ZBTB18: variants seen among roughly 807,000 people sequenced by gnomAD.
ZBTB18 encodes zinc finger and BTB domain-containing protein 18.
Under a neutral mutation model 37.7 loss-of-function variants are expected in ZBTB18, and 2 were observed. The ratio of observed to expected loss-of-function variants is 0.05; its 90% CI spans 0.02 to 0.17. The LOEUF (loss-of-function observed/expected upper bound fraction) is 0.17. Ranked by LOEUF, ZBTB18 falls within the 10% of genes least tolerant of loss-of-function variation. The probability of loss-of-function intolerance (pLI) is 1.00; values close to 1 mark genes in which losing one functional copy is unlikely to be tolerated. For missense variants in ZBTB18, 408 were observed against 686.3 expected, an observed-to-expected ratio of 0.59 and a Z score of 4.53; for synonymous variants, 304 against 276.5, an observed-to-expected ratio of 1.10 and a Z score of -0.99.
upstream of ZBTB18, chr1:244,048,943 AGGCGGAGGACGCGGCGGC>A (rs1442476796): frequency 6.4e-6 from 1 of 156,620 alleles, no homozygotes; most frequent in Non-Finnish European, 1.3e-5. Context: ...GAGGAGGAGG[AGGCGGAGGACGCGGCGGC>A]GGCGGGGACG....
rs1016861231 is a variant in ZBTB18 at position 244,055,440 on chromosome 1, C to T, written c.*70C>T. ...AATAGATCTCTATATAGTTGTGGTA[C>T]GGTCTAAAAGCAGTCTTGTTTCCTG... is the stretch of plus-strand genomic sequence containing the variant. On this transcript the variant is annotated 3_prime_UTR_variant, in exon 2 of 2. Coordinates refer to ENST00000358704, the MANE Select transcript of ZBTB18 (RefSeq NM_205768.3). The surrounding 1 kb of genome is among the most constrained non-coding windows in gnomAD (Gnocchi z 7.0). 9.8e-5 allele frequency: 55 copies of T among 563,356 alleles called. No individual in the cohort carries two copies. Among genetic ancestry groups the T allele is most frequent in the East Asian group, 2.3e-4 (4 of 17,274 alleles). 34.9% of individuals were successfully genotyped at this position (563,356 alleles called of 1,614,324 possible).
intron 1 of ZBTB18, among the ~76,000 whole-genome samples, chr1:244,051,771 T>G (rs1430951676): frequency 3.3e-5 from 5 of 152,152 alleles, no homozygotes; most frequent in African/African-American, 4.8e-5. Flanking sequence ...ATTGGGGTGG[T>G]GGTGGTGGGG....
Position 244,056,108 on chromosome 1 carries a change from C to G in ZBTB18, c.*738C>G, listed in dbSNP as rs1698463003. ...CATGGGCTGGGGGGGTGTCAAAGAA[C>G]TTGACAGGTTGTGTTGATGCTCTTA... On this transcript the variant is annotated 3_prime_UTR_variant, in exon 2 of 2. Transcript: ENST00000358704. The G allele has an allele frequency of 6.0e-6, 1 of 167,026 alleles. No individual in the cohort carries two copies. Among genetic ancestry groups the G allele is most frequent in the South Asian group, 2.1e-4 (1 of 4,836 alleles). 10.3% of individuals were successfully genotyped at this position (167,026 alleles called of 1,614,324 possible).
rs1698394063 is a variant in ZBTB18 at position 244,053,570 on chromosome 1, C to CA, written c.14-218_14-217insA. On this transcript the variant is annotated intron_variant, in intron 1 of 1. Coordinates refer to ENST00000358704, the MANE Select transcript of ZBTB18 (RefSeq NM_205768.3). The surrounding 1 kb of genome is among the most constrained non-coding windows in gnomAD (Gnocchi z 5.2). ...AAGGAAGATGGAGATGCGTCGGAAG[C>CA]TCTTTGGCGGGGGTGAGGAAGTTCA... 1 of 236,376 alleles carries CA rather than the reference C, an allele frequency of 4.2e-6. No individual in the cohort carries two copies. Among genetic ancestry groups the CA allele is most frequent in the African/African-American group, 2.3e-5 (1 of 42,900 alleles). 14.6% of individuals were successfully genotyped at this position (236,376 alleles called of 1,614,324 possible). A position where few individuals can be genotyped will look rare whatever the true frequency, so the allele number is the denominator to read the frequency against.
intron 1 of ZBTB18, among the ~76,000 whole-genome samples, chr1:244,052,971 C>T (rs975592974): frequency 6.6e-6 from 1 of 152,128 alleles, no homozygotes; most frequent in Admixed American, 6.5e-5. Flanking sequence ...TCAGTAAAGC[C>T]CCTCTGGTTC....
rs1471318636 is a variant in ZBTB18, at chr1:244,055,407, T to C, written c.*37T>C. The stretch of plus-strand genomic sequence containing the variant: ...TATAAATAATATATATATATATACA[T>C]ATATATAAATAGATCTCTATATAGT... On this transcript the variant is annotated 3_prime_UTR_variant, in exon 2 of 2. Transcript: ENST00000358704. The surrounding 1 kb of genome is among the most constrained non-coding windows in gnomAD (Gnocchi z 7.0). The C allele has an allele frequency of 1.3e-5, 8 of 629,508 alleles. No homozygotes were observed. Among genetic ancestry groups the C allele is most frequent in the Admixed American group, 4.7e-5 (1 of 21,128 alleles). The allele number at this position is 629,508 out of a possible 1,614,324, so 39.0% of individuals were successfully genotyped here.
At chr1:244,049,211 G>A (rs1298841755), upstream of ZBTB18, among the ~76,000 whole-genome samples, 1 of 144,200 alleles carries the variant, frequency 6.9e-6, no homozygotes, top group African/African-American at 2.5e-5. Flanking sequence ...GCCCGGGCGC[G>A]GGGACGGGGC....
rs971083222 is a variant in ZBTB18, at chr1:244,055,154, C to T, written c.1380C>T (p.His460=). ...TQCGKSFQYS[H]NLSRHAVVHT... ...GCGGCAAGAGCTTCCAGTACTCGCA[C>T]AACCTGAGCCGCCATGCCGTGGTGC... The change falls in exon 2 of 2, where the codon CAC becomes CAT. Residue 460 remains histidine, a synonymous_variant. Transcript: ENST00000358704. The surrounding 1 kb of genome is among the most constrained non-coding windows in gnomAD (Gnocchi z 7.0). 4 of 1,614,004 alleles carry T rather than the reference C, an allele frequency of 2.5e-6. No homozygotes were observed. In the Admixed American group the frequency reaches 6.7e-5, roughly 27 times the overall value.
At chr1:244,052,163 CTT>C (rs1698368517) in intron 1 of ZBTB18, among the ~76,000 whole-genome samples, 1 of 152,206 alleles carries the variant, frequency 6.6e-6, no homozygotes, top group Non-Finnish European at 1.5e-5. Flanking sequence ...TTCTTAATCT[CTT>C]TATCTGGGCA....
Position 244,054,427 on chromosome 1 carries a change from G to A in ZBTB18, c.653G>A (p.Gly218Glu). 6.2e-7 allele frequency: 1 copy of A among 1,614,188 alleles called. No homozygotes were observed. The change falls in exon 2 of 2, where the codon GGA (glycine) becomes GAA (glutamate). Residue 218 changes from glycine to glutamate, a missense_variant. Around this residue, in one of 4 missense-constraint regions of ZBTB18, gnomAD observed 266 missense variants for 312.0 expected, o/e 0.85. Coordinates refer to ENST00000358704, the MANE Select transcript of ZBTB18 (RefSeq NM_205768.3). This position sits in a 1 kb window ranked among gnomAD's most constrained non-coding sequence, Gnocchi z 9.0. ...GEAEPHATAA[G>E]KTVASPCSST... ...GCAGAGCCACACGCCACAGCAGCTG[G>A]AAAAACAGTAGCCAGCCCCTGCAGC...
At position 244,057,157 on chromosome 1, in the gene ZBTB18, G is replaced by C. The variant is rs1698490656; in HGVS notation, c.*1787G>C. 6.0e-6 allele frequency: 1 copy of C among 167,118 alleles called. No individual in the cohort carries two copies. The highest frequency in any genetic ancestry group is 1.5e-5 in the Non-Finnish European group (1 of 68,102). The allele number at this position is 167,118 out of a possible 1,614,324, so 10.4% of individuals were successfully genotyped here. A position where few individuals can be genotyped will look rare whatever the true frequency, so the allele number is the denominator to read the frequency against. Reference sequence around the variant, plus strand: ...GGAGCATTATCTTTAGTTACTTGAAGAGTTTCTAGTTTTTTTAAAATACAG... The same window carrying C: ...GGAGCATTATCTTTAGTTACTTGAACAGTTTCTAGTTTTTTTAAAATACAG... On this transcript the variant is annotated 3_prime_UTR_variant, in exon 2 of 2. Coordinates refer to ENST00000358704, the MANE Select transcript of ZBTB18 (RefSeq NM_205768.3).
At chr1:244,052,828 A>C (rs1002661969) in intron 1 of ZBTB18, among the ~76,000 whole-genome samples, 5 of 152,220 alleles carry the variant, frequency 3.3e-5, no homozygotes, top group East Asian at 1.9e-4. Flanking sequence ...TTAAAAAAAA[A>C]CGTTGAACCT....
At chr1:244,049,275 C>A (rs1012209680), upstream of ZBTB18, among the ~76,000 whole-genome samples, 6 of 145,108 alleles carry the variant, frequency 4.1e-5, no homozygotes, top group South Asian at 4.2e-4. Flanking sequence ...GCGCCGCGCC[C>A]CCGCGGGCCG....
chr1:244,049,199 A>G (rs1429121861), upstream of ZBTB18, among the ~76,000 whole-genome samples: 14 of 99,332 alleles, frequency 1.4e-4, no homozygotes, highest in African/African-American at 5.3e-4. Context: ...CAGCTGCGGG[A>G]GGCCCGGGCG....
upstream of ZBTB18, among the ~76,000 whole-genome samples, chr1:244,049,441 G>T (rs1698304007): frequency 6.7e-6 from 1 of 149,350 alleles, no homozygotes; most frequent in Non-Finnish European, 1.5e-5. Flanking sequence ...TGCAGCTGCA[G>T]TGGCGCCCGG....
At position 244,055,405 on chromosome 1, in the gene ZBTB18, C is replaced by A; in HGVS notation, c.*35C>A. On this transcript the variant is annotated 3_prime_UTR_variant, in exon 2 of 2. Coordinates refer to ENST00000358704, the MANE Select transcript of ZBTB18 (RefSeq NM_205768.3). This position sits in a 1 kb window ranked among gnomAD's most constrained non-coding sequence, Gnocchi z 7.0. ...TATATAAATAATATATATATATATA[C>A]ATATATATAAATAGATCTCTATATA... The A allele has an allele frequency of 3.4e-6, 2 of 595,726 alleles. No homozygotes were observed. Among genetic ancestry groups the A allele is most frequent in the African/African-American group, 2.0e-5 (1 of 50,710 alleles). 36.9% of individuals were successfully genotyped at this position (595,726 alleles called of 1,614,324 possible). A position where few individuals can be genotyped will look rare whatever the true frequency, so the allele number is the denominator to read the frequency against.
intron 1 of ZBTB18, among the ~76,000 whole-genome samples, chr1:244,051,877 T>G (rs908574038): frequency 3.3e-5 from 5 of 152,212 alleles, no homozygotes; most frequent in African/African-American, 1.2e-4. Flanking sequence ...CTGTGAAACT[T>G]TATTCTTCAA....
chr1:244,048,548 G>C (rs963084317), upstream of ZBTB18, among the ~76,000 whole-genome samples: 1 of 148,804 alleles, frequency 6.7e-6, no homozygotes, highest in Non-Finnish European at 1.5e-5. Flanking sequence ...GACTGAGGGT[G>C]GGGGGAACAT....
At position 244,055,008 on chromosome 1, in the gene ZBTB18, C is replaced by T; in HGVS notation, c.1234C>T (p.Pro412Ser). Residue 412 changes from proline (P) to serine (S), a missense_variant, in exon 2 of 2, where the codon CCC (proline) becomes TCC (serine). Around this residue, in one of 4 missense-constraint regions of ZBTB18, gnomAD observed 266 missense variants for 312.0 expected, o/e 0.85. Transcript: ENST00000358704. The surrounding 1 kb of genome is among the most constrained non-coding windows in gnomAD (Gnocchi z 7.0). ...CGAGCAGGACGGCATCCGCAGCAAG[C>T]CCGCCGCCGATGTCAACGTGCCCAC... ...FREQDGIRSK[P>S]AADVNVPTCS... 4 of 1,614,168 alleles carry T rather than the reference C, an allele frequency of 2.5e-6. No individual in the cohort carries two copies. Among genetic ancestry groups the T allele is most frequent in the South Asian group, 1.1e-5 (1 of 91,088 alleles).
Sources: allele counts gnomAD v4.1 joint callset (sites outside exome capture counted in the v4.1 genomes callset), GRCh38; gene constraint gnomAD v4.1.1; regional missense constraint gnomAD v4.1.1; non-coding constraint Gnocchi (gnomAD v3.1); transcripts MANE v1.5; gene names NCBI Gene and HGNC (gene_info 2026-07-23, HGNC 2026-07-21).